KCNE3: variants seen among roughly 807,000 people sequenced by gnomAD.
The protein encoded by KCNE3 is potassium voltage-gated channel subfamily E member 3.
In KCNE3, 2 loss-of-function variants were observed where a neutral mutation model predicts 4.3. That is an observed-to-expected ratio of 0.47 (90% CI 0.19 to 1.48). The LOEUF is 1.48. Among genes scored for constraint, KCNE3 ranks in the 40% most tolerant of loss-of-function variants. The pLI, the probability that KCNE3 is intolerant of heterozygous loss-of-function variation, is 0.25. For synonymous variants in KCNE3, 47 were observed against 52.0 expected, an observed-to-expected ratio of 0.90 and a Z score of 0.41; for missense variants, 128 against 136.8, an observed-to-expected ratio of 0.94 and a Z score of 0.32.
chr11:74,466,650 G>A (rs974376240), intron 1 of KCNE3, among the ~76,000 whole-genome samples: 3 of 152,106 alleles, frequency 2.0e-5, no homozygotes, highest in South Asian at 2.1e-4. Context: ...GGGCTTTCAC[G>A]CAAGAACTAA....
In KCNE3 at chr11:74,460,842, T is replaced by G. The variant is rs566233474; in HGVS notation, c.-41+1113A>C. 2.0e-5 allele frequency among the ~76,000 whole-genome samples: 3 copies of G among 152,278 alleles called. No individual in the cohort carries two copies. In the South Asian group the frequency reaches 6.2e-4, roughly 32 times the overall value. ...CCTGGAAAGGATACTCTGGCTGTCA[T>G]GTGGACTGGAGGGAGCTGGAATTGA... On this transcript the variant is annotated intron_variant, in intron 2 of 2. Coordinates refer to ENST00000310128, the MANE Select transcript of KCNE3 (RefSeq NM_005472.5).
At chr11:74,457,722 C>T in intron 2 of KCNE3, 119 bp from the exon 3 acceptor site, 2 of 704,022 alleles carry the variant, frequency 2.8e-6, no homozygotes, top group East Asian at 2.7e-5. Context: ...GGCTGTGTCC[C>T]CACCCAAATC....
intron 1 of KCNE3, among the ~76,000 whole-genome samples, chr11:74,464,070 C>T (rs1864011136): frequency 6.6e-6 from 1 of 152,332 alleles, no homozygotes. Flanking sequence ...TCCTGATTCC[C>T]CAGATGAGCC....
chr11:74,461,107 C>T (rs1432975457), intron 2 of KCNE3, among the ~76,000 whole-genome samples: 1 of 152,058 alleles, frequency 6.6e-6, no homozygotes, highest in East Asian at 1.9e-4. Flanking sequence ...AAGTTCCTTT[C>T]CCTGGGTGGG....
At chr11:74,459,351 T>A (rs1029332753) in intron 2 of KCNE3, among the ~76,000 whole-genome samples, 1 of 138,024 alleles carries the variant, frequency 7.2e-6, no homozygotes, top group Admixed American at 8.4e-5. Flanking sequence ...AAGTTCCGCC[T>A]CCTGGGTTCA....
Position 74,457,348 on chromosome 11 carries a change from C to G in KCNE3, c.216G>C (p.Val72=). The G allele has an allele frequency of 6.2e-7, 1 of 1,614,200 alleles. No individual in the cohort carries two copies. The highest frequency in any genetic ancestry group is 8.5e-7 in the Non-Finnish European group (1 of 1,180,028). The change falls in exon 3 of 3, where the codon GTG becomes GTC. Residue 72 remains valine (V), a synonymous_variant. Transcript: ENST00000310128. ...LFVMFLFAVT[V]GSLILGYTRS... is the part of the protein sequence containing the mutation. ...GGGTGTATCCCAGGATGAGGCTGCC[C>G]ACAGTTACAGCAAATAGAAACATGA...
intron 2 of KCNE3, among the ~76,000 whole-genome samples, chr11:74,458,969 T>G (rs1863884299): frequency 6.6e-6 from 1 of 152,116 alleles, no homozygotes; most frequent in Non-Finnish European, 1.5e-5. Flanking sequence ...GACTAGATAT[T>G]CCTAGCTATT....
chr11:74,464,187 T>A (rs11602340), intron 1 of KCNE3: 1 of 152,156 alleles, frequency 6.6e-6, no homozygotes, highest in South Asian at 2.1e-4. Flanking sequence ...GGAATAAAGC[T>A]GTGATCTGAG....
At chr11:74,461,144 C>T (rs1398260933) in intron 2 of KCNE3, among the ~76,000 whole-genome samples, 2 of 152,078 alleles carry the variant, frequency 1.3e-5, no homozygotes, top group East Asian at 3.8e-4. Context: ...TACCAAAAGA[C>T]ATTATCATGG....
chr11:74,456,636 C>G lies in KCNE3; in HGVS notation c.*616G>C, dbSNP rs1312985627. 6.5e-6 allele frequency: 1 copy of G among 152,878 alleles called. No individual in the cohort carries two copies. The highest frequency in any genetic ancestry group is 2.4e-5 in the African/African-American group (1 of 41,444). 9.5% of individuals were successfully genotyped at this position (152,878 alleles called of 1,614,324 possible). A position where few individuals can be genotyped will look rare whatever the true frequency, so the allele number is the denominator to read the frequency against. On this transcript the variant is annotated 3_prime_UTR_variant, in exon 3 of 3. Transcript: ENST00000310128. ...TAGAATTCTTTTTCTTAAAGAGAGT[C>G]CCCAGAATTGTATGACCTTCAGGCC...
At chr11:74,466,173 G>A (rs1205547353) in intron 1 of KCNE3, among the ~76,000 whole-genome samples, 2 of 152,144 alleles carry the variant, frequency 1.3e-5, no homozygotes, top group Admixed American at 1.3e-4. Context: ...GTGCGTTTTG[G>A]TTAAGTAACT....
intron 1 of KCNE3, among the ~76,000 whole-genome samples, chr11:74,466,817 G>A (rs868860863): frequency 1.3e-4 from 20 of 152,260 alleles, no homozygotes; most frequent in South Asian, 4.1e-4. Context: ...TGACTGCCCG[G>A]GTTTACACAG....
rs775009123 is a variant in KCNE3, at chr11:74,457,581, TG to T, written c.-19del. 2 of 1,612,474 alleles carry T rather than the reference TG, an allele frequency of 1.2e-6. No individual in the cohort carries two copies. The highest frequency in any genetic ancestry group is 8.5e-7 in the Non-Finnish European group (1 of 1,178,712). ...GTCTCCATAGCAACAGGGATTGAGG[TG>T]GGGGAAGACTCGGTAGAAGCTCTGG... On this transcript the variant is annotated 5_prime_UTR_variant, in exon 3 of 3. Transcript: ENST00000310128.
rs951997727 is a variant in KCNE3, at chr11:74,463,159, C to T, written c.-189-1056G>A. Reference sequence around the variant, plus strand: ...ATCTAGCCTGAGGAGGGGATAGACTCTGCAGAAGGTGGGGGAAGGGGACAG... The same window carrying T: ...ATCTAGCCTGAGGAGGGGATAGACTTTGCAGAAGGTGGGGGAAGGGGACAG... On this transcript the variant is annotated intron_variant, in intron 1 of 2. Coordinates refer to ENST00000310128, the MANE Select transcript of KCNE3 (RefSeq NM_005472.5). 1.5e-4 allele frequency among the ~76,000 whole-genome samples: 23 copies of T among 152,174 alleles called. No individual in the cohort carries two copies. In the East Asian group the frequency reaches 3.1e-3, roughly 20 times the overall value.
rs1189907837 is a variant in KCNE3, at chr11:74,456,744, T to G, written c.*508A>C. 1 of 187,384 alleles carries G rather than the reference T, an allele frequency of 5.3e-6. No homozygotes were observed. Among genetic ancestry groups the G allele is most frequent in the Non-Finnish European group, 1.1e-5 (1 of 88,470 alleles). The allele number at this position is 187,384 out of a possible 1,614,324, so 11.6% of individuals were successfully genotyped here. ...TTCCTGGGTTCCAATCATGGCACTATGCAGGCCCAAATGGGCAGCACAGCA... is the reference window on the plus strand; with the variant it reads ...TTCCTGGGTTCCAATCATGGCACTAGGCAGGCCCAAATGGGCAGCACAGCA... On this transcript the variant is annotated 3_prime_UTR_variant, in exon 3 of 3. Transcript: ENST00000310128.
At chr11:74,459,448 G>A (rs1287516691) in intron 2 of KCNE3, among the ~76,000 whole-genome samples, 1 of 151,870 alleles carries the variant, frequency 6.6e-6, no homozygotes, top group African/African-American at 2.4e-5. Flanking sequence ...ATTTTTAGTA[G>A]AGACAGGGTT....
chr11:74,460,961 G>A (rs1265542942), intron 2 of KCNE3, among the ~76,000 whole-genome samples: 2 of 152,124 alleles, frequency 1.3e-5, no homozygotes, highest in South Asian at 4.2e-4. Context: ...TAGGGAAGTG[G>A]GGGTAGAGAC....
intron 2 of KCNE3, among the ~76,000 whole-genome samples, chr11:74,459,310 G>A (rs1326603446): frequency 7.7e-6 from 1 of 129,266 alleles, no homozygotes; most frequent in Non-Finnish European, 1.5e-5. Context: ...CGCCCAGGCT[G>A]CAGTGCAGTG....
At chr11:74,466,891 A>G (rs2135023011) in intron 1 of KCNE3, among the ~76,000 whole-genome samples, 1 of 152,318 alleles carries the variant, frequency 6.6e-6, no homozygotes, top group Middle Eastern at 3.4e-3. Context: ...GCAGCAGAAG[A>G]TGCTTTTGGG....
Sources: gnomAD v4.1 joint callset for allele counts (sites outside exome capture counted in the v4.1 genomes callset) on GRCh38, gnomAD v4.1.1 for gene constraint, MANE v1.5 for transcripts, NCBI Gene and HGNC (gene_info 2026-07-23, HGNC 2026-07-21) for gene names.